Variants in CHMP4C observed in about 807,000 individuals in gnomAD.
The protein encoded by CHMP4C is charged multivesicular body protein 4C.
In CHMP4C, 28 loss-of-function variants were observed where a neutral mutation model predicts 29.0. The ratio of observed to expected loss-of-function variants is 0.97; its 90% confidence interval spans 0.72 to 1.32. The LOEUF (loss-of-function observed/expected upper bound fraction) is 1.32. CHMP4C is among the 40% of genes most tolerant of loss of function. The probability of loss-of-function intolerance (pLI) is 0.00; values close to 1 mark genes in which losing one functional copy is unlikely to be tolerated. For synonymous variants in CHMP4C, 106 were observed against 102.4 expected (o/e 1.04, Z -0.21); for missense variants, 291 against 281.0 (o/e 1.04, Z -0.25).
At chr8:81,744,969 T>C (rs1808804393) in intron 1 of CHMP4C, among the ~76,000 whole-genome samples, 1 of 152,228 alleles carries the variant, frequency 6.6e-6, no homozygotes, top group Admixed American at 6.5e-5. Flanking sequence ...AAATTTTCTA[T>C]TTCCCCAGTT....
intron 3 of CHMP4C, 37 bp downstream of exon 3, chr8:81,755,521 T>TACTCTTTATA: frequency 7.9e-7 from 1 of 1,261,580 alleles, no homozygotes; most frequent in Non-Finnish European, 1.2e-6. Context: ...GGATTGTGGC[T>TACTCTTTATA]GCTATAAAGA....
At chr8:81,749,419 C>G (rs10113008) in intron 1 of CHMP4C, among the ~76,000 whole-genome samples, 1 of 152,080 alleles carries the variant, frequency 6.6e-6, no homozygotes, top group Non-Finnish European at 1.5e-5. Context: ...ATTTTGTTGG[C>G]CAGGTGCCAG....
intron 1 of CHMP4C, among the ~76,000 whole-genome samples, chr8:81,740,118 G>A (rs1383804590): frequency 2.6e-5 from 4 of 152,178 alleles, no homozygotes; most frequent in Non-Finnish European, 5.9e-5. Flanking sequence ...TTAAAATATT[G>A]AATAAGACAG....
chr8:81,736,331 CT>C (rs568946562), intron 1 of CHMP4C, among the ~76,000 whole-genome samples: 12 of 146,578 alleles, frequency 8.2e-5, no homozygotes, highest in Admixed American at 2.1e-4. Context: ...ATTTAATTTT[CT>C]TTTTTTTTTG....
chr8:81,740,786 T>C (rs1347370399), intron 1 of CHMP4C, among the ~76,000 whole-genome samples: 1 of 152,212 alleles, frequency 6.6e-6, no homozygotes, highest in South Asian at 2.1e-4. Flanking sequence ...CATCAGATTC[T>C]CTGGAGAGCT....
chr8:81,745,068 G>A (rs1808805499), intron 1 of CHMP4C, among the ~76,000 whole-genome samples: 1 of 152,080 alleles, frequency 6.6e-6, no homozygotes, highest in African/African-American at 2.4e-5. Context: ...TTCAGATTGT[G>A]CTTTTTGAAA....
intron 1 of CHMP4C, among the ~76,000 whole-genome samples, chr8:81,748,339 G>T (rs571463595): frequency 6.6e-6 from 1 of 152,112 alleles, no homozygotes; most frequent in African/African-American, 2.4e-5. Context: ...CATCCTCCTC[G>T]GCTGACAGGA....
intron 1 of CHMP4C, among the ~76,000 whole-genome samples, chr8:81,739,417 G>A (rs1169937877): frequency 1.2e-4 from 12 of 97,504 alleles, no homozygotes; most frequent in African/African-American, 4.7e-4. Context: ...CTGGGGGATT[G>A]TGGGGGGGGG....
In CHMP4C at chr8:81,753,086, A is replaced by G; in HGVS notation, c.213A>G (p.Arg71=). 6.2e-7 allele frequency: 1 copy of G among 1,611,018 alleles called. No homozygotes were observed. Among genetic ancestry groups the G allele is most frequent in the Non-Finnish European group, 8.5e-7 (1 of 1,178,516 alleles). ...NKRAALQALK[R]KKRFEKQLTQ... ...TAGCTGCATTACAGGCACTAAAGAG[A>G]AAGAAGAGGTTCGAGAAACAGCTCA... The change falls in exon 2 of 5, where the codon AGA becomes AGG. Residue 71 remains arginine (R), a synonymous_variant. Transcript: ENST00000297265.
chr8:81,754,306 C>T (rs1056977792), intron 2 of CHMP4C, among the ~76,000 whole-genome samples: 1 of 152,062 alleles, frequency 6.6e-6, no homozygotes. Flanking sequence ...CATTGTATTA[C>T]ATTTGAGAAA....
chr8:81,741,491 C>G (rs1199965720), intron 1 of CHMP4C, among the ~76,000 whole-genome samples: 1 of 151,962 alleles, frequency 6.6e-6, no homozygotes. Context: ...CTTAGGACCA[C>G]TTATTTCAGG....
chr8:81,754,750 C>G (rs1427148352), intron 2 of CHMP4C, among the ~76,000 whole-genome samples: 2 of 152,140 alleles, frequency 1.3e-5, no homozygotes, highest in Admixed American at 6.6e-5. Context: ...AAGTGGCTGT[C>G]CATCCTGAGC....
rs936211993 is a variant in CHMP4C, at chr8:81,737,343, G to A, written c.190+4527G>A. ...TGTGGGCCAGGGTTAAGGATGGGAA[G>A]CCTAAATCCATAGGAATGTTAATGA... On this transcript the variant is annotated intron_variant, in intron 1 of 4. Coordinates refer to ENST00000297265, the MANE Select transcript of CHMP4C (RefSeq NM_152284.4). Among the ~76,000 whole-genome samples, 23 of 152,204 alleles carry A rather than the reference G, an allele frequency of 1.5e-4. No individual in the cohort carries two copies. The East Asian group carries it at 1.9e-3, about 13-fold the overall frequency.
chr8:81,737,916 C>G (rs1184772167), intron 1 of CHMP4C, among the ~76,000 whole-genome samples: 1 of 152,210 alleles, frequency 6.6e-6, no homozygotes, highest in Non-Finnish European at 1.5e-5. Context: ...CTTCATCTGT[C>G]CTCTGAAGGC....
At chr8:81,738,075 G>C (rs1222761401) in intron 1 of CHMP4C, among the ~76,000 whole-genome samples, 3 of 152,210 alleles carry the variant, frequency 2.0e-5, no homozygotes, top group Non-Finnish European at 4.4e-5. Flanking sequence ...CTAGGACACA[G>C]TTGTGTGACC....
Position 81,732,793 on chromosome 8 carries a change from A to C in CHMP4C, c.167A>C (p.Lys56Thr), listed in dbSNP as rs944432804. 36 of 1,612,330 alleles carry C rather than the reference A, an allele frequency of 2.2e-5. No individual in the cohort carries two copies. The highest frequency in any genetic ancestry group is 3.3e-5 in the Admixed American group (2 of 59,736). ...CAGAGAGAAATCGCCCTGGCCAAGA[A>C]GCACGGCACGCAGAATAAGCGAGGT... ...RIQREIALAK[K>T]HGTQNKRAAL... Residue 56 changes from lysine (K) to threonine (T), a missense_variant, in exon 1 of 5, where the codon AAG becomes ACG. Physicochemically the swap from Lys to Thr is moderately conservative, Grantham distance 78. Transcript: ENST00000297265.
intron 1 of CHMP4C, among the ~76,000 whole-genome samples, chr8:81,748,041 C>T (rs974053984): frequency 1.2e-4 from 18 of 148,608 alleles, no homozygotes; most frequent in Non-Finnish European, 1.3e-4. Context: ...CCGGGGCGGC[C>T]AGTCCCGAGA....
intron 1 of CHMP4C, among the ~76,000 whole-genome samples, chr8:81,742,600 C>T (rs538301819): frequency 2.6e-5 from 4 of 152,234 alleles, no homozygotes; most frequent in South Asian, 2.1e-4. Flanking sequence ...TTATATGCTA[C>T]GTAGTCATAC....
chr8:81,757,277 C>G (rs1808984424), intron 3 of CHMP4C, among the ~76,000 whole-genome samples: 1 of 152,112 alleles, frequency 6.6e-6, no homozygotes, highest in South Asian at 2.1e-4. Flanking sequence ...AATGAATTCT[C>G]TCATTCGTTA....
Sources: allele counts gnomAD v4.1 joint callset (sites outside exome capture counted in the v4.1 genomes callset), GRCh38; gene constraint gnomAD v4.1.1; transcripts MANE v1.5; gene names NCBI Gene and HGNC (gene_info 2026-07-23, HGNC 2026-07-21).